STPG2: variants seen among roughly 807,000 people sequenced by gnomAD.
The protein encoded by STPG2 is sperm-tail PG-rich repeat-containing protein 2.
A neutral mutation model predicts 54.2 loss-of-function variants in STPG2; 56 were observed. The ratio of observed to expected loss-of-function variants is 1.03; its 90% CI spans 0.83 to 1.29. The LOEUF is 1.29. Ranked by LOEUF, STPG2 falls within the 50% of genes most tolerant of loss-of-function variation. The pLI is 0.00. For missense variants in STPG2, 596 were observed against 544.9 expected, an observed-to-expected ratio of 1.09 and a Z score of -0.93; for synonymous variants, 200 against 181.8, an observed-to-expected ratio of 1.10 and a Z score of -0.81.
In STPG2 at chr4:97,694,720, G is replaced by A. The variant is rs1262356956; in HGVS notation, c.1320+17979C>T. 8.8e-5 allele frequency among the ~76,000 whole-genome samples: 13 copies of A among 147,874 alleles called. 1 individual carries two copies. The Admixed American group carries it at 8.9e-4, about 10-fold the overall frequency. On this transcript the variant is annotated intron_variant, in intron 10 of 10. Transcript: ENST00000295268. The stretch of plus-strand genomic sequence containing the variant: ...CCCAGCTACTCAGGAGGCTGAGGCA[G>A]GAGAATGGTGTGAACCCGGGAGGCA...
At chr4:98,120,735 T>C (rs1224575649) in intron 3 of STPG2, among the ~76,000 whole-genome samples, 3 of 152,222 alleles carry the variant, frequency 2.0e-5, no homozygotes, top group African/African-American at 7.2e-5. Flanking sequence ...TTCATGTCCT[T>C]TGCCCCTTTT....
In STPG2 at chr4:98,143,133, G is replaced by A. The variant is rs1352765660; in HGVS notation, c.18C>T (p.Pro6=). 6.2e-7 allele frequency: 1 copy of A among 1,613,718 alleles called. No homozygotes were observed. Among genetic ancestry groups the A allele is most frequent in the Admixed American group, 1.7e-5 (1 of 60,000 alleles). Residue 6 remains proline, a synonymous_variant, in exon 1 of 11, where the codon CCC becomes CCT. Coordinates refer to ENST00000295268, the MANE Select transcript of STPG2 (RefSeq NM_174952.3). ...CACCTTCAGCCAATTTGAGCAGGCGGGGAGCCCGATCATACATAGTGCTCG... is the reference window on the plus strand; with the variant it reads ...CACCTTCAGCCAATTTGAGCAGGCGAGGAGCCCGATCATACATAGTGCTCG... MYDRA[P]RLLKLAEGGS... is the part of the protein sequence containing the mutation.
At chr4:98,118,492 C>G (rs1421441269) in intron 3 of STPG2, among the ~76,000 whole-genome samples, 1 of 152,012 alleles carries the variant, frequency 6.6e-6, no homozygotes, top group Non-Finnish European at 1.5e-5. Context: ...AAGAGAAAGT[C>G]TAGAATAAAC....
chr4:98,107,467 G>GGTAAAA (rs74662887), intron 4 of STPG2, among the ~76,000 whole-genome samples: 59,940 of 151,744 alleles, frequency 0.4, 12,064 homozygotes, highest in Middle Eastern at 0.46. Context: ...CATTTCTTCA[G>GGTAAAA]GTTAAAACAC....
intron 9 of STPG2, among the ~76,000 whole-genome samples, chr4:97,819,805 T>C (rs1319416619): frequency 6.6e-6 from 1 of 152,174 alleles, no homozygotes; most frequent in African/African-American, 2.4e-5. Flanking sequence ...TTTGACTTAC[T>C]ATAAAGCAGT....
rs551888223 is a variant in STPG2, at chr4:98,141,697, T to C, written c.109+1345A>G. On this transcript the variant is annotated intron_variant, in intron 1 of 10. Transcript: ENST00000295268. ...CTGTACCCCAACCACCTTGGGCACA[T>C]GTTCTCAGGACCTCCTGAGGGCTGT... Among the ~76,000 whole-genome samples, 644 of 152,304 alleles carry C rather than the reference T, an allele frequency of 4.2e-3. 3 individuals carry two copies. The highest frequency in any genetic ancestry group is 0.025 in the South Asian group (118 of 4,814).
intron 7 of STPG2, among the ~76,000 whole-genome samples, chr4:97,963,322 G>A (rs783962): frequency 0.45 from 68,299 of 151,836 alleles, 15,791 homozygotes; most frequent in Admixed American, 0.55. Flanking sequence ...ACTTATATCA[G>A]CACTTAAAAT....
rs544000665 is a variant in STPG2 at position 97,988,868 on chromosome 4, C to A, written c.613-7550G>T. 1.8e-3 allele frequency among the ~76,000 whole-genome samples: 280 copies of A among 152,312 alleles called. 1 individual carries two copies. The highest frequency in any genetic ancestry group is 6.3e-3 in the African/African-American group (261 of 41,570). On this transcript the variant is annotated intron_variant, in intron 5 of 10. Transcript: ENST00000295268. ...AGCTCAAGCGATCTGCCCGCCTTGGCCTCCCAAAGTTCTGGGATTACAGGC... is the reference window on the plus strand; with the variant it reads ...AGCTCAAGCGATCTGCCCGCCTTGGACTCCCAAAGTTCTGGGATTACAGGC...
intron 9 of STPG2, among the ~76,000 whole-genome samples, chr4:97,839,392 C>T (rs1728726483): frequency 6.6e-6 from 1 of 151,458 alleles, no homozygotes; most frequent in Non-Finnish European, 1.5e-5. Context: ...TTTTGCATTC[C>T]ATCGGTAAGA....
intron 5 of STPG2, among the ~76,000 whole-genome samples, chr4:98,102,000 G>C (rs783915): frequency 0.44 from 66,873 of 151,818 alleles, 15,273 homozygotes; most frequent in Admixed American, 0.56. Context: ...CTACAATACA[G>C]GTTTCTACTC....
chr4:97,950,434 T>G (rs2149239155), intron 7 of STPG2, among the ~76,000 whole-genome samples: 1 of 152,346 alleles, frequency 6.6e-6, no homozygotes, highest in South Asian at 2.1e-4. Flanking sequence ...GTGTCTTTCA[T>G]TTCCAGAAGT....
chr4:97,743,387 C>T (rs1006560629), intron 9 of STPG2, among the ~76,000 whole-genome samples: 1 of 151,662 alleles, frequency 6.6e-6, no homozygotes, highest in Non-Finnish European at 1.5e-5. Context: ...ACATTTTGAC[C>T]ATTCTTTCAC....
intron 3 of STPG2, among the ~76,000 whole-genome samples, chr4:98,115,671 TTAAA>T (rs1739496576): frequency 6.6e-6 from 1 of 151,976 alleles, no homozygotes; most frequent in African/African-American, 2.4e-5. Flanking sequence ...ACATATAGTA[TTAAA>T]TATTATTTCA....
At chr4:97,828,477 C>G (rs1380091603) in intron 9 of STPG2, among the ~76,000 whole-genome samples, 3 of 152,112 alleles carry the variant, frequency 2.0e-5, no homozygotes, top group Non-Finnish European at 4.4e-5. Context: ...GGGCAGACAC[C>G]AAGCTAGCTG....
At chr4:97,923,131 G>A (rs746707625) in intron 8 of STPG2, among the ~76,000 whole-genome samples, 6 of 152,352 alleles carry the variant, frequency 3.9e-5, no homozygotes, top group African/African-American at 1.2e-4. Flanking sequence ...GCACCTCCTC[G>A]GCCTGGGCGC....
chr4:98,087,560 C>CTTTTT (rs70955916), intron 5 of STPG2, among the ~76,000 whole-genome samples: 1 of 132,284 alleles, frequency 7.6e-6, no homozygotes, highest in African/African-American at 2.9e-5. Flanking sequence ...CTCTTTTTTT[C>CTTTTT]TTTTTTTTTT....
At chr4:98,077,888 T>C (rs886565839) in intron 5 of STPG2, among the ~76,000 whole-genome samples, 1 of 152,128 alleles carries the variant, frequency 6.6e-6, no homozygotes, top group African/African-American at 2.4e-5. Flanking sequence ...GTAGAAAAAA[T>C]ATATTGTGCA....
chr4:98,063,887 T>C (rs765675541), intron 5 of STPG2, among the ~76,000 whole-genome samples: 2 of 151,666 alleles, frequency 1.3e-5, no homozygotes, highest in Non-Finnish European at 2.9e-5. Context: ...AAAAAAAATA[T>C]ATTTTTAATT....
At chr4:97,637,937 C>T (rs931407943) in intron 10 of STPG2, among the ~76,000 whole-genome samples, 1 of 151,850 alleles carries the variant, frequency 6.6e-6, no homozygotes, top group Non-Finnish European at 1.5e-5. Context: ...TTTACAGATT[C>T]AATGCCATCC....
Sources: allele counts gnomAD v4.1 joint callset (sites outside exome capture counted in the v4.1 genomes callset), GRCh38; gene constraint gnomAD v4.1.1; transcripts MANE v1.5; gene names NCBI Gene and HGNC (gene_info 2026-07-23, HGNC 2026-07-21).